Variants in SANBR observed in about 807,000 individuals in gnomAD.
SANBR encodes the protein SANT and BTB domain regulator of class switch recombination.
Under a neutral mutation model 101.8 loss-of-function variants are expected in SANBR, and 77 were observed. That is an observed-to-expected ratio of 0.76 (90% CI 0.63 to 0.91). SANBR has a LOEUF of 0.91. SANBR is among the 40% of genes least tolerant of loss of function. The pLI is 0.00. For missense variants in SANBR, 875 were observed against 853.0 expected, an observed-to-expected ratio of 1.03 and a Z score of -0.32; for synonymous variants, 279 against 274.7, an observed-to-expected ratio of 1.02 and a Z score of -0.15.
In SANBR at chr2:61,123,731, C is replaced by G. The variant is rs553742331; in HGVS notation, c.*1569C>G. ...GATGGTAAAAAGGCAAACTGCTTCT[C>G]CCCTGGGAGGCCTATACCACTGAAT... is the stretch of plus-strand genomic sequence containing the variant. On this transcript the variant is annotated 3_prime_UTR_variant, in exon 22 of 22. Coordinates refer to ENST00000402291, the MANE Select transcript of SANBR (RefSeq NM_001129993.3). 1.0e-6 allele frequency: 1 copy of G among 985,348 alleles called. No individual in the cohort carries two copies. The highest frequency in any genetic ancestry group is 1.2e-6 in the Non-Finnish European group (1 of 829,856). 61.0% of individuals were successfully genotyped at this position (985,348 alleles called of 1,614,324 possible).
intron 20 of SANBR, chr2:61,134,113 G>A (rs200596689): frequency 6.2e-7 from 1 of 1,613,788 alleles, no homozygotes; most frequent in African/African-American, 1.3e-5. Flanking sequence ...GCATAGGGTA[G>A]TGTTATTATC....
chr2:61,130,996 C>T (rs949968072), intron 20 of SANBR, among the ~76,000 whole-genome samples: 1 of 132,192 alleles, frequency 7.6e-6, no homozygotes, highest in South Asian at 2.4e-4. Context: ...AAAAAGCAAT[C>T]GACAAGCCCA....
chr2:61,126,344 T>C (rs1684512771), downstream of SANBR, among the ~76,000 whole-genome samples: 1 of 152,220 alleles, frequency 6.6e-6, no homozygotes, highest in African/African-American at 2.4e-5. Context: ...GTTATTAACA[T>C]CTTTTTCATG....
At chr2:61,102,509 C>A (rs1389228080) in intron 12 of SANBR, among the ~76,000 whole-genome samples, 1 of 151,690 alleles carries the variant, frequency 6.6e-6, no homozygotes, top group Non-Finnish European at 1.5e-5. Flanking sequence ...GAATGAATGC[C>A]AATACATATT....
intron 20 of SANBR, among the ~76,000 whole-genome samples, chr2:61,129,338 G>T (rs1302753765): frequency 6.6e-6 from 1 of 151,890 alleles, no homozygotes; most frequent in South Asian, 2.1e-4. Context: ...CAGCTACTCG[G>T]GAGGTTGAGG....
chr2:61,131,317 A>T (rs917259661), intron 20 of SANBR, among the ~76,000 whole-genome samples: 1 of 152,226 alleles, frequency 6.6e-6, no homozygotes, highest in Non-Finnish European at 1.5e-5. Context: ...ATCACTAAAA[A>T]AAATTAGGAC....
intron 11 of SANBR, 31 bp from the exon 12 acceptor site, chr2:61,097,669 T>C: frequency 2.0e-6 from 3 of 1,484,698 alleles, no homozygotes; most frequent in Non-Finnish European, 2.8e-6. Flanking sequence ...GTTGTGGAAA[T>C]AGTAGTTGAT....
downstream of SANBR, among the ~76,000 whole-genome samples, chr2:61,126,006 G>A (rs184699196): frequency 8.9e-4 from 135 of 152,238 alleles, no homozygotes; most frequent in Non-Finnish European, 6.6e-4. Flanking sequence ...CAGGCAACTC[G>A]AGTGCACTTT....
At chr2:61,081,387 G>A in intron 6 of SANBR, 65 bp from the exon 7 acceptor site, 1 of 1,455,972 alleles carries the variant, frequency 6.9e-7, no homozygotes, top group Non-Finnish European at 9.2e-7. Context: ...AAGGTAAGAA[G>A]GAGCCTGTTC....
chr2:61,068,063 T>C (rs2104835012), intron 1 of SANBR, among the ~76,000 whole-genome samples: 1 of 152,352 alleles, frequency 6.6e-6, no homozygotes, highest in African/African-American at 2.4e-5. Context: ...TGGCAGTATC[T>C]GCCTTGCTGG....
chr2:61,113,924 A>G lies in SANBR; in HGVS notation c.1745-2055A>G, dbSNP rs1164304263. 2.0e-5 allele frequency among the ~76,000 whole-genome samples: 3 copies of G among 151,960 alleles called. No individual in the cohort carries two copies. In the East Asian group the frequency reaches 5.8e-4, roughly 29 times the overall value. ...GTTGAGAAAGTTCCTTTCTGTTTCT[A>G]TTTTGCTGAGTTTTTATAGCGAATA... On this transcript the variant is annotated intron_variant, in intron 16 of 21. Coordinates refer to ENST00000402291, the MANE Select transcript of SANBR (RefSeq NM_001129993.3).
intron 8 of SANBR, among the ~76,000 whole-genome samples, chr2:61,086,362 TTAAA>T (rs1455845936): frequency 4.0e-5 from 6 of 151,670 alleles, no homozygotes; most frequent in African/African-American, 7.2e-5. Context: ...CTAAAATAAA[TTAAA>T]TAAATAAATT....
chr2:61,089,334 G>A (rs758074638), intron 10 of SANBR: 54 of 224,502 alleles, frequency 2.4e-4, no homozygotes, highest in Non-Finnish European at 3.5e-4. Context: ...AACATGGTGA[G>A]ACCCCGTCTC....
intron 16 of SANBR, among the ~76,000 whole-genome samples, chr2:61,111,219 C>T (rs1683815420): frequency 6.6e-6 from 1 of 152,054 alleles, no homozygotes; most frequent in Admixed American, 6.6e-5. Flanking sequence ...CAGTGAAACC[C>T]CTTCTCTATT....
At chr2:61,126,732 G>A (rs1427152579), downstream of SANBR, among the ~76,000 whole-genome samples, 1 of 148,808 alleles carries the variant, frequency 6.7e-6, no homozygotes, top group Admixed American at 6.8e-5. Flanking sequence ...AACCCGGAAG[G>A]TGGAGGTTGC....
At chr2:61,089,239 G>T (rs553004295) in intron 10 of SANBR, 3 of 975,844 alleles carry the variant, frequency 3.1e-6, no homozygotes, top group Non-Finnish European at 2.4e-6. Context: ...GGCCGGGCAC[G>T]GTGGCTCACA....
At chr2:61,133,543 A>G (rs898994923) in intron 20 of SANBR, among the ~76,000 whole-genome samples, 1 of 152,132 alleles carries the variant, frequency 6.6e-6, no homozygotes, top group Non-Finnish European at 1.5e-5. Flanking sequence ...GCTTGAGCCC[A>G]GGAGTTCAAG....
At position 61,123,168 on chromosome 2, in the gene SANBR, A is replaced by C; in HGVS notation, c.*1006A>C. 1.0e-6 allele frequency: 1 copy of C among 981,676 alleles called. No homozygotes were observed. 60.8% of individuals were successfully genotyped at this position (981,676 alleles called of 1,614,324 possible). A position where few individuals can be genotyped will look rare whatever the true frequency, so the allele number is the denominator to read the frequency against. On this transcript the variant is annotated 3_prime_UTR_variant, in exon 22 of 22. Coordinates refer to ENST00000402291, the MANE Select transcript of SANBR (RefSeq NM_001129993.3). ...GCTCAGGGAAAATTTGTTCCAAACTATAACCATATAATAAATTATGTGTTT... is the reference window on the plus strand; with the variant it reads ...GCTCAGGGAAAATTTGTTCCAAACTCTAACCATATAATAAATTATGTGTTT...
intron 11 of SANBR, among the ~76,000 whole-genome samples, chr2:61,096,028 T>C (rs145753943): frequency 6.6e-6 from 1 of 152,182 alleles, no homozygotes; most frequent in East Asian, 1.9e-4. Context: ...CCAGAAACAA[T>C]GACATCTGGG....
Sources: gnomAD v4.1 joint callset for allele counts (sites outside exome capture counted in the v4.1 genomes callset) on GRCh38, gnomAD v4.1.1 for gene constraint, MANE v1.5 for transcripts, NCBI Gene and HGNC (gene_info 2026-07-23, HGNC 2026-07-21) for gene names.